Variants in GRM1 observed in about 807,000 individuals in gnomAD.
GRM1 encodes glutamate metabotropic receptor 1.
A neutral mutation model predicts 90.9 loss-of-function variants in GRM1; 33 were observed. That is an observed-to-expected ratio of 0.36 (90% CI 0.28 to 0.49). The LOEUF is 0.49. Ranked by LOEUF, GRM1 falls within the 20% of genes least tolerant of loss-of-function variation. The pLI is 0.99. For missense variants in GRM1, 1,190 were observed against 1,534.3 expected (o/e 0.78, Z 3.75); for synonymous variants, 700 against 613.2 (o/e 1.14, Z -2.09).
At chr6:146,220,365 G>T (rs961300620) in intron 2 of GRM1, among the ~76,000 whole-genome samples, 1 of 151,980 alleles carries the variant, frequency 6.6e-6, no homozygotes, top group Non-Finnish European at 1.5e-5. Flanking sequence ...TGATTTTCAA[G>T]GTACTATCAG....
chr6:146,390,940 A>G (rs997692361), intron 6 of GRM1, among the ~76,000 whole-genome samples: 1 of 152,074 alleles, frequency 6.6e-6, no homozygotes, highest in African/African-American at 2.4e-5. Context: ...TGAGCACTGA[A>G]TTACAAACAG....
chr6:146,306,463 A>G (rs1319361750), intron 3 of GRM1, among the ~76,000 whole-genome samples: 1 of 152,126 alleles, frequency 6.6e-6, no homozygotes, highest in Non-Finnish European at 1.5e-5. Context: ...TAGACTTAGT[A>G]TTTGGTAATA....
intron 2 of GRM1, among the ~76,000 whole-genome samples, chr6:146,228,314 C>T (rs1780322494): frequency 6.6e-6 from 1 of 152,098 alleles, no homozygotes; most frequent in Non-Finnish European, 1.5e-5. Flanking sequence ...CTGGTGAGGG[C>T]CTTTGTACTG....
intron 5 of GRM1, among the ~76,000 whole-genome samples, chr6:146,364,255 T>A (rs1053466028): frequency 6.6e-6 from 1 of 152,224 alleles, no homozygotes; most frequent in African/African-American, 2.4e-5. Context: ...TTCTTTCTCC[T>A]CCAGTGCATG....
At chr6:146,359,470 C>T (rs146690654) in intron 5 of GRM1, among the ~76,000 whole-genome samples, 2 of 152,260 alleles carry the variant, frequency 1.3e-5, no homozygotes, top group East Asian at 3.9e-4. Flanking sequence ...ATTGTGCAGA[C>T]AATTACTGGG....
intron 7 of GRM1, among the ~76,000 whole-genome samples, chr6:146,403,062 A>G (rs1436950758): frequency 6.6e-6 from 1 of 152,114 alleles, no homozygotes; most frequent in African/African-American, 2.4e-5. Flanking sequence ...AGGACTCAGT[A>G]GACTTTAAAA....
chr6:146,161,089 GGT>G (rs1399581432), intron 2 of GRM1, among the ~76,000 whole-genome samples: 1 of 152,080 alleles, frequency 6.6e-6, no homozygotes, highest in African/African-American at 2.4e-5. Context: ...CAGGACAGAG[GGT>G]GTCCAGACAT....
intron 1 of GRM1, among the ~76,000 whole-genome samples, chr6:146,114,924 C>T (rs956683340): frequency 1.3e-5 from 2 of 151,986 alleles, no homozygotes; most frequent in Admixed American, 6.6e-5. Context: ...AGTGATCATT[C>T]CAATACTGTG....
At chr6:146,058,080 C>T (rs1388947375) in intron 1 of GRM1, among the ~76,000 whole-genome samples, 1 of 152,012 alleles carries the variant, frequency 6.6e-6, no homozygotes, top group Admixed American at 6.6e-5. Flanking sequence ...TCCAGTTTTT[C>T]CACATTAGTG....
intron 3 of GRM1, among the ~76,000 whole-genome samples, chr6:146,327,916 T>C (rs1019572021): frequency 6.6e-6 from 1 of 152,130 alleles, no homozygotes; most frequent in Admixed American, 6.6e-5. Context: ...TCAGTGGACA[T>C]AAGGTCAGGT....
chr6:146,111,836 G>C (rs1014506476), intron 1 of GRM1, among the ~76,000 whole-genome samples: 1 of 152,188 alleles, frequency 6.6e-6, no homozygotes, highest in Non-Finnish European at 1.5e-5. Flanking sequence ...GTGTTGAATG[G>C]ATTAACACAG....
chr6:146,068,952 GA>G (rs1389523330), intron 1 of GRM1, among the ~76,000 whole-genome samples: 3 of 152,130 alleles, frequency 2.0e-5, no homozygotes, highest in Admixed American at 1.3e-4. Flanking sequence ...TTTTTAATAT[GA>G]AATTTATGTT....
chr6:146,151,045 T>C (rs1337181487), intron 1 of GRM1, among the ~76,000 whole-genome samples: 1 of 152,092 alleles, frequency 6.6e-6, no homozygotes, highest in Non-Finnish European at 1.5e-5. Context: ...CCAAGAAATA[T>C]TTTTTAAATG....
Position 146,140,090 on chromosome 6 carries a change from A to T in GRM1, c.701-19258A>T, listed in dbSNP as rs140632183. On this transcript the variant is annotated intron_variant, in intron 1 of 7. Coordinates refer to ENST00000282753, the MANE Select transcript of GRM1 (RefSeq NM_001278064.2). Reference sequence around the variant, plus strand: ...CTCTTCTTTTCTCCTTTCTTTCTTTATTCTTTCTTTCTTTCTTTCTTTCTT... The same window carrying T: ...CTCTTCTTTTCTCCTTTCTTTCTTTTTTCTTTCTTTCTTTCTTTCTTTCTT... Among the ~76,000 whole-genome samples the T allele has an allele frequency of 1.5e-3, 84 of 57,872 alleles. 1 individual carries two copies. The highest frequency in any genetic ancestry group is 3.2e-3 in the South Asian group (4 of 1,262). 38.0% of individuals were successfully genotyped at this position (57,872 alleles called of 152,430 possible).
intron 5 of GRM1, among the ~76,000 whole-genome samples, chr6:146,374,566 GCTTTGGATTTCTTC>G (rs1776023232): frequency 6.6e-6 from 1 of 151,980 alleles, no homozygotes; most frequent in South Asian, 2.1e-4. Context: ...TTCTGTTAAG[GCTTTGGATTTCTTC>G]CTGGTTCAAT....
chr6:146,358,795 G>A (rs1775338310), intron 5 of GRM1, among the ~76,000 whole-genome samples: 1 of 152,196 alleles, frequency 6.6e-6, no homozygotes, highest in Non-Finnish European at 1.5e-5. Context: ...GCTGAGAAGA[G>A]CTATCCTGGT....
At chr6:146,117,294 A>G (rs1007839079) in intron 1 of GRM1, among the ~76,000 whole-genome samples, 6 of 151,692 alleles carry the variant, frequency 4.0e-5, no homozygotes, top group Admixed American at 1.3e-4. Flanking sequence ...TTTCTATATA[A>G]TTCTTTTTGC....
At chr6:146,305,995 C>T (rs1418163270) in intron 3 of GRM1, among the ~76,000 whole-genome samples, 8 of 152,020 alleles carry the variant, frequency 5.3e-5, no homozygotes, top group Admixed American at 5.2e-4. Context: ...CAATAGTATT[C>T]ATAGTTTGAT....
At chr6:146,099,222 A>C (rs2128869895) in intron 1 of GRM1, among the ~76,000 whole-genome samples, 2 of 152,268 alleles carry the variant, frequency 1.3e-5, no homozygotes, top group South Asian at 4.1e-4. Context: ...CCCTGTCTCT[A>C]GAAAAAATAC....
Sources: gnomAD v4.1 joint callset for allele counts (sites outside exome capture counted in the v4.1 genomes callset) on GRCh38, gnomAD v4.1.1 for gene constraint, MANE v1.5 for transcripts, NCBI Gene and HGNC (gene_info 2026-07-23, HGNC 2026-07-21) for gene names.